Variants in PTPRT observed in about 807,000 individuals in gnomAD.
PTPRT encodes receptor-type tyrosine-protein phosphatase T.
Under a neutral mutation model 176.8 loss-of-function variants are expected in PTPRT, and 56 were observed. The observed-to-expected ratio is 0.32, with a 90% confidence interval of 0.26 to 0.40. The LOEUF (loss-of-function observed/expected upper bound fraction) is 0.40. PTPRT is among the 10% of genes least tolerant of loss of function. The pLI, the probability that PTPRT is intolerant of heterozygous loss-of-function variation, is 1.00. For missense variants in PTPRT, 1,540 were observed against 1,908.2 expected (o/e 0.81, Z 3.60); for synonymous variants, 783 against 739.0 (o/e 1.06, Z -0.96).
chr20:42,415,890 T>C (rs1192356001), intron 9 of PTPRT, among the ~76,000 whole-genome samples: 2 of 152,284 alleles, frequency 1.3e-5, no homozygotes, highest in South Asian at 2.1e-4. Context: ...TATATATTGA[T>C]ACAAAAAGAC....
At chr20:43,051,435 A>G (rs993722333) in intron 1 of PTPRT, among the ~76,000 whole-genome samples, 1 of 152,192 alleles carries the variant, frequency 6.6e-6, no homozygotes. Context: ...ATCTGTAATA[A>G]CTACAGAATA....
chr20:42,118,230 G>T (rs1381434451), intron 21 of PTPRT, among the ~76,000 whole-genome samples, 173 bp downstream of exon 21: 1 of 152,204 alleles, frequency 6.6e-6, no homozygotes, highest in Non-Finnish European at 1.5e-5. Flanking sequence ...AAGGGGATTT[G>T]AAGGGAAAGG....
chr20:42,254,003 T>A (rs2056593553), intron 13 of PTPRT, among the ~76,000 whole-genome samples: 1 of 152,208 alleles, frequency 6.6e-6, no homozygotes, highest in Non-Finnish European at 1.5e-5. Flanking sequence ...GGAAACCTGG[T>A]GCACAAGGCA....
intron 6 of PTPRT, among the ~76,000 whole-genome samples, chr20:42,751,989 TA>T (rs2076776723): frequency 6.6e-6 from 1 of 152,144 alleles, no homozygotes; most frequent in Non-Finnish European, 1.5e-5. Context: ...AGAACCCTAA[TA>T]AAAGACCCCA....
At chr20:42,682,389 A>G (rs1844561906) in intron 6 of PTPRT, among the ~76,000 whole-genome samples, 1 of 152,176 alleles carries the variant, frequency 6.6e-6, no homozygotes, top group Non-Finnish European at 1.5e-5. Context: ...TTACTCCTAT[A>G]CCATTCCCTC....
chr20:42,524,405 T>C (rs1201852891), intron 7 of PTPRT, among the ~76,000 whole-genome samples: 1 of 152,200 alleles, frequency 6.6e-6, no homozygotes, highest in Non-Finnish European at 1.5e-5. Context: ...CTATCAACCA[T>C]GTATGCAATT....
At chr20:42,625,346 A>G (rs1569028469) in intron 7 of PTPRT, among the ~76,000 whole-genome samples, 1 of 152,144 alleles carries the variant, frequency 6.6e-6, no homozygotes, top group Non-Finnish European at 1.5e-5. Context: ...AAAGAGGGAG[A>G]ACGAATAAAG....
At chr20:42,504,978 G>A (rs564488935) in intron 7 of PTPRT, among the ~76,000 whole-genome samples, 3 of 152,188 alleles carry the variant, frequency 2.0e-5, no homozygotes, top group East Asian at 1.9e-4. Context: ...CGATAGGTCC[G>A]ATATTCTGGG....
chr20:42,417,666 T>G (rs1008800579), intron 9 of PTPRT, among the ~76,000 whole-genome samples: 1 of 150,236 alleles, frequency 6.7e-6, no homozygotes. Flanking sequence ...AAGCAAACAT[T>G]TACTGTATCT....
At chr20:42,822,943 G>A (rs1472688053) in intron 2 of PTPRT, among the ~76,000 whole-genome samples, 2 of 152,036 alleles carry the variant, frequency 1.3e-5, no homozygotes, top group Admixed American at 6.5e-5. Context: ...TACACTGTTG[G>A]TAGGAATGTA....
intron 1 of PTPRT, among the ~76,000 whole-genome samples, chr20:42,907,161 G>T (rs979294624): frequency 1.3e-5 from 2 of 152,120 alleles, no homozygotes; most frequent in African/African-American, 4.8e-5. Context: ...CATTTAAAAA[G>T]AAGACCTCTG....
intron 2 of PTPRT, among the ~76,000 whole-genome samples, chr20:42,804,371 C>T (rs2077574436): frequency 6.6e-6 from 1 of 152,128 alleles, no homozygotes; most frequent in South Asian, 2.1e-4. Flanking sequence ...TCTTGGGTTC[C>T]CCTTCCTCTT....
chr20:42,606,177 A>G (rs967423161), intron 7 of PTPRT, among the ~76,000 whole-genome samples: 1 of 151,884 alleles, frequency 6.6e-6, no homozygotes, highest in African/African-American at 2.4e-5. Context: ...ACTCCACTTC[A>G]CTCACCTCTA....
chr20:43,166,313 G>C (rs961322627), intron 1 of PTPRT, among the ~76,000 whole-genome samples: 1 of 149,712 alleles, frequency 6.7e-6, no homozygotes, highest in African/African-American at 2.5e-5. Flanking sequence ...GGGCGACAGA[G>C]CAAGACTCTG....
chr20:42,319,483 T>C (rs2057769065), intron 11 of PTPRT, among the ~76,000 whole-genome samples: 1 of 152,208 alleles, frequency 6.6e-6, no homozygotes, highest in Non-Finnish European at 1.5e-5. Flanking sequence ...TGCCAAAATA[T>C]ACCCAGCAAC....
rs113624695 is a variant in PTPRT at position 42,638,443 on chromosome 20, T to A, written c.1153+39423A>T. On this transcript the variant is annotated intron_variant, in intron 7 of 30. Coordinates refer to ENST00000373187, the MANE Select transcript of PTPRT (RefSeq NM_007050.6). ...TGCTCTACATGTATTATGGGGAAAC[T>A]GATCCTAATCTTGAGTCTATGGATA... Among the ~76,000 whole-genome samples, 703 of 152,222 alleles carry A rather than the reference T, an allele frequency of 4.6e-3. 6 individuals carry two copies. The highest frequency in any genetic ancestry group is 0.016 in the African/African-American group (658 of 41,526).
In PTPRT at chr20:42,940,620, GA is replaced by G. The variant is rs573389623; in HGVS notation, c.89-54689del. On this transcript the variant is annotated intron_variant, in intron 1 of 30. Coordinates refer to ENST00000373187, the MANE Select transcript of PTPRT (RefSeq NM_007050.6). ...ATGTGATGTCTGCTCTTAGGTGGGG[GA>G]AAAAAAAAGAAAAAAAGCTCACACC... Among the ~76,000 whole-genome samples, 71 of 150,138 alleles carry G rather than the reference GA, an allele frequency of 4.7e-4. 4 individuals carry two copies. The South Asian group carries it at 8.9e-3, about 19-fold the overall frequency.
chr20:42,981,788 T>C (rs1983295088), intron 1 of PTPRT, among the ~76,000 whole-genome samples: 1 of 152,254 alleles, frequency 6.6e-6, no homozygotes, highest in Non-Finnish European at 1.5e-5. Flanking sequence ...AGATCATTTG[T>C]TACACAGCAA....
intron 1 of PTPRT, among the ~76,000 whole-genome samples, chr20:42,924,987 CCA>C (rs1159526688): frequency 6.6e-6 from 1 of 152,212 alleles, no homozygotes; most frequent in East Asian, 1.9e-4. Flanking sequence ...GGCGCATTGT[CCA>C]CAGTGTGAGA....
Sources: allele counts gnomAD v4.1 joint callset (sites outside exome capture counted in the v4.1 genomes callset), GRCh38; gene constraint gnomAD v4.1.1; transcripts MANE v1.5; gene names NCBI Gene and HGNC (gene_info 2026-07-23, HGNC 2026-07-21).